Variants in AGL observed in about 807,000 individuals in gnomAD.
AGL encodes the protein glycogen debranching enzyme.
AGL carries 128 observed loss-of-function variants against 199.3 expected under a neutral mutation model. That is an observed-to-expected ratio of 0.64 (90% CI 0.56 to 0.74). The LOEUF (loss-of-function observed/expected upper bound fraction) is 0.74. Ranked by LOEUF, AGL falls within the 30% of genes least tolerant of loss-of-function variation. The pLI, the probability that AGL is intolerant of heterozygous loss-of-function variation, is 0.00. For missense variants in AGL, 1,809 were observed against 1,820.8 expected (o/e 0.99, Z 0.12); for synonymous variants, 584 against 594.7 (o/e 0.98, Z 0.26).
intron 10 of AGL, among the ~76,000 whole-genome samples, chr1:99,876,111 G>A (rs1370066792): frequency 6.6e-6 from 1 of 152,132 alleles, no homozygotes; most frequent in East Asian, 1.9e-4. Flanking sequence ...CTGACCTCAG[G>A]TAATCCCCCT....
At position 99,900,975 on chromosome 1, in the gene AGL, C is replaced by G; in HGVS notation, c.3588+114C>G. On this transcript the variant is annotated intron_variant, in intron 26 of 33. Transcript: ENST00000361915. Reference sequence around the variant, plus strand: ...AAGAATCCAAATCTTACGAATTATTCAAATGTCAGTATTGATTTGGCACCT... The same window carrying G: ...AAGAATCCAAATCTTACGAATTATTGAAATGTCAGTATTGATTTGGCACCT... 3.9e-6 allele frequency: 4 copies of G among 1,014,734 alleles called. No homozygotes were observed. In the South Asian group the frequency reaches 5.9e-5, roughly 15 times the overall value. The allele number at this position is 1,014,734 out of a possible 1,614,324, so 62.9% of individuals were successfully genotyped here.
intron 27 of AGL, among the ~76,000 whole-genome samples, chr1:99,907,967 T>C (rs1338226014): frequency 1.3e-5 from 2 of 152,126 alleles, no homozygotes. Context: ...TATTGTGGGT[T>C]GTCTATTCAC....
At chr1:99,887,624 TGAAG>T (rs1485615562) in intron 20 of AGL, among the ~76,000 whole-genome samples, 1 of 151,816 alleles carries the variant, frequency 6.6e-6, no homozygotes, top group Non-Finnish European at 1.5e-5. Context: ...CATAAATAAA[TGAAG>T]GAAGGAAGGA....
chr1:99,857,559 C>T (rs1003516068), intron 2 of AGL, among the ~76,000 whole-genome samples: 4 of 151,864 alleles, frequency 2.6e-5, no homozygotes, highest in South Asian at 2.1e-4. Context: ...TCTGCAATCC[C>T]GGCACCTCAG....
At chr1:99,882,612 T>C (rs1383797971) in intron 17 of AGL, among the ~76,000 whole-genome samples, 5 of 152,222 alleles carry the variant, frequency 3.3e-5, no homozygotes, top group African/African-American at 1.2e-4. Context: ...AATTATAGTC[T>C]CTATGTATTC....
At chr1:99,916,571 T>A (rs776864840) in intron 32 of AGL, 27 bp from the exon 33 acceptor site, 90 of 1,610,794 alleles carry the variant, frequency 5.6e-5, no homozygotes, top group Middle Eastern at 3.3e-4. Context: ...TTATGGTTTT[T>A]TTTGTCTTTT....
intron 4 of AGL, among the ~76,000 whole-genome samples, chr1:99,863,262 C>T (rs1004433435): frequency 2.6e-5 from 4 of 151,826 alleles, no homozygotes; most frequent in Admixed American, 6.6e-5. Context: ...GATACTTAAC[C>T]ATTTTTAACC....
chr1:99,864,681 A>G lies in AGL; in HGVS notation c.664+92A>G, dbSNP rs538389. ...AAATAAGAGAAAGGAAGAAAGAAAGAGAAAGGAAAGGGGCTAACATAAATT... is the reference window on the plus strand; with the variant it reads ...AAATAAGAGAAAGGAAGAAAGAAAGGGAAAGGAAAGGGGCTAACATAAATT... On this transcript the variant is annotated intron_variant, in intron 5 of 33. Coordinates refer to ENST00000361915, the MANE Select transcript of AGL (RefSeq NM_000642.3). The G allele has an allele frequency of 0.72, 855,809 of 1,191,368 alleles. 308,770 individuals are homozygous for G. The highest frequency in any genetic ancestry group is 0.91 in the African/African-American group (60,280 of 65,892). The allele number at this position is 1,191,368 out of a possible 1,614,324, so 73.8% of individuals were successfully genotyped here.
chr1:99,894,734 T>C (rs1386911514), intron 24 of AGL, among the ~76,000 whole-genome samples: 1 of 152,180 alleles, frequency 6.6e-6, no homozygotes, highest in Non-Finnish European at 1.5e-5. Context: ...TCTTTTATCT[T>C]AGTCAAATTC....
At chr1:99,855,303 T>C (rs771017935) in intron 2 of AGL, among the ~76,000 whole-genome samples, 1 of 152,164 alleles carries the variant, frequency 6.6e-6, no homozygotes, top group Non-Finnish European at 1.5e-5. Context: ...TGGCAGTTTT[T>C]GGCTGTTTCA....
At position 99,874,713 on chromosome 1, in the gene AGL, C is replaced by T. The variant is rs1429341166; in HGVS notation, c.985C>T (p.Pro329Ser). 2 of 1,597,198 alleles carry T rather than the reference C, an allele frequency of 1.3e-6. No homozygotes were observed. Among genetic ancestry groups the T allele is most frequent in the Admixed American group, 1.7e-5 (1 of 59,250 alleles). The change falls in exon 8 of 34, where the codon CCA becomes TCA. Residue 329 changes from proline to serine, a missense_variant. Pro to Ser is a moderately conservative substitution (Grantham distance 74). Coordinates refer to ENST00000361915, the MANE Select transcript of AGL (RefSeq NM_000642.3). ...QENRRVTKSD[P>S]NQHLTIIQDP... is the part of the protein sequence containing the mutation. ...AAATAGGCGAGTAACCAAGTCTGAT[C>T]CAAACCAACACCTTACGATTATTCA...
rs376827010 is a variant in AGL, at chr1:99,870,595, G to A, written c.846+14G>A. 1.6e-4 allele frequency: 253 copies of A among 1,613,664 alleles called. No homozygotes were observed. Among genetic ancestry groups the A allele is most frequent in the Non-Finnish European group, 2.0e-4 (234 of 1,179,786 alleles). ...CACCATATGAATGTCAGTATGTACA[G>A]AGGAGTATCACACTAAAACAGAAAA... On this transcript the variant is annotated intron_variant, in intron 6 of 33. Transcript: ENST00000361915.
chr1:99,910,035 C>T (rs1354940679), intron 27 of AGL, among the ~76,000 whole-genome samples: 3 of 152,074 alleles, frequency 2.0e-5, no homozygotes, highest in Admixed American at 2.0e-4. Flanking sequence ...AAAAAGTTAT[C>T]TTACTATATA....
intron 2 of AGL, among the ~76,000 whole-genome samples, chr1:99,857,847 A>AGAGGGAGACCGTGGGGAGGGGGAGGGGGG (rs1557743553): frequency 0.027 from 223 of 8,114 alleles, 1 homozygote; most frequent in Non-Finnish European, 0.032. Context: ...GGGGAGGGGG[A>AGAGGGAGACCGTGGGGAGGGGGAGGGGGG]GGGGGGAAGA....
chr1:99,879,936 C>T lies in AGL; in HGVS notation c.1625C>T (p.Ala542Val), dbSNP rs780226003. ...TGCTTTTTACAGTACATGTTGGATG[C>T]TGCTAGGAATTTGCAACCCAATTTA... ...PLHVAEYMLD[A>V]ARNLQPNLYV... The change falls in exon 13 of 34, where the codon GCT (alanine) becomes GTT (valine). Residue 542 changes from alanine (A) to valine (V), a missense_variant. Physicochemically the swap from Ala to Val is moderately conservative, Grantham distance 64 (BLOSUM62 0). Coordinates refer to ENST00000361915, the MANE Select transcript of AGL (RefSeq NM_000642.3). The T allele has an allele frequency of 2.5e-6, 4 of 1,612,884 alleles. No homozygotes were observed. The South Asian group carries it at 4.4e-5, about 18-fold the overall frequency.
intron 7 of AGL, among the ~76,000 whole-genome samples, chr1:99,873,433 C>CTTT (rs553707025): frequency 3.8e-5 from 5 of 131,166 alleles, no homozygotes; most frequent in African/African-American, 1.1e-4. Context: ...TGGCAGTGTT[C>CTTT]TTTTTTTTTT....
chr1:99,885,537 G>A (rs1265294561), intron 20 of AGL, among the ~76,000 whole-genome samples: 1 of 152,114 alleles, frequency 6.6e-6, no homozygotes, highest in Non-Finnish European at 1.5e-5. Context: ...GGAGGTGAGT[G>A]GCAGGTGAGC....
chr1:99,864,130 T>G (rs1650304413), intron 4 of AGL, among the ~76,000 whole-genome samples: 1 of 152,184 alleles, frequency 6.6e-6, no homozygotes, highest in Non-Finnish European at 1.5e-5. Context: ...GCAGTGTGTG[T>G]GAATTTTTTC....
Position 99,902,742 on chromosome 1 carries a change from G to C in AGL, c.3648G>C (p.Gln1216His). The change falls in exon 27 of 34, where the codon CAG becomes CAC. Residue 1216 changes from glutamine (Q) to histidine (H), a missense_variant. Transcript: ENST00000361915. ...EAMQKHMQGI[Q>H]FRERNAGPQI... is the part of the protein sequence containing the mutation. ...TGCAAAAACACATGCAGGGCATACA[G>C]TTCCGAGAAAGGAATGCTGGTCCCC... 1 of 1,613,628 alleles carries C rather than the reference G, an allele frequency of 6.2e-7. No homozygotes were observed. The highest frequency in any genetic ancestry group is 1.3e-5 in the African/African-American group (1 of 75,054).
Sources: gnomAD v4.1 joint callset for allele counts (sites outside exome capture counted in the v4.1 genomes callset) on GRCh38, gnomAD v4.1.1 for gene constraint, MANE v1.5 for transcripts, NCBI Gene and HGNC (gene_info 2026-07-23, HGNC 2026-07-21) for gene names.